Variants in NARF observed in about 807,000 individuals in gnomAD.
NARF encodes iron-only hydrogenase-like protein 2.
Under a neutral mutation model 48.0 loss-of-function variants are expected in NARF, and 41 were observed. The observed-to-expected ratio is 0.85, with a 90% CI of 0.66 to 1.11. The LOEUF is 1.11. Ranked by LOEUF, NARF falls within the 50% of genes least tolerant of loss-of-function variation. The pLI is 0.00. For missense variants in NARF, 613 were observed against 590.2 expected (o/e 1.04, Z -0.40); for synonymous variants, 215 against 225.5 (o/e 0.95, Z 0.42).
chr17:82,487,734 A>G (rs936861205), intron 10 of NARF, among the ~76,000 whole-genome samples, 182 bp from the exon 11 acceptor site: 1 of 152,162 alleles, frequency 6.6e-6, no homozygotes, highest in Non-Finnish European at 1.5e-5. Context: ...TGCCGCTTGA[A>G]GCCAGGAGTT....
At chr17:82,467,570 C>T (rs1290658949) in intron 3 of NARF, among the ~76,000 whole-genome samples, 1 of 152,098 alleles carries the variant, frequency 6.6e-6, no homozygotes. Flanking sequence ...TCACTGCAAC[C>T]TCCATTTCAC....
chr17:82,483,694 G>A (rs2044026703), intron 7 of NARF, 22 bp from the exon 8 acceptor site: 1 of 1,613,378 alleles, frequency 6.2e-7, no homozygotes. Flanking sequence ...TCTTTTCAGT[G>A]TCTTACTTCG....
chr17:82,472,193 G>A (rs1420075971), intron 4 of NARF, among the ~76,000 whole-genome samples: 2 of 151,842 alleles, frequency 1.3e-5, no homozygotes. Context: ...TAAGAATGAA[G>A]AAGTATTGGC....
At chr17:82,483,528 G>T in intron 7 of NARF, 188 bp from the exon 8 acceptor site, 1 of 571,340 alleles carries the variant, frequency 1.8e-6, no homozygotes, top group South Asian at 2.0e-5. Flanking sequence ...ATTGAATTCT[G>T]CTTACGTTTT....
upstream of NARF, chr17:82,458,387 G>A (rs987654177): frequency 5.9e-6 from 1 of 168,990 alleles, no homozygotes; most frequent in African/African-American, 2.4e-5. Flanking sequence ...AACGGCCCCA[G>A]CTTGGCCTCG....
Position 82,488,162 on chromosome 17 carries a change from A to G in NARF, c.*5A>G, listed in dbSNP as rs2044141445. On this transcript the variant is annotated 3_prime_UTR_variant, in exon 11 of 11. Transcript: ENST00000309794. The stretch of plus-strand genomic sequence containing the variant: ...AGCCTGGACATCAAGTGGTGAAGTC[A>G]GGCCAGGGCCTTCCAGCTGCTCTTG... The G allele has an allele frequency of 6.2e-7, 1 of 1,611,072 alleles. No homozygotes were observed.
chr17:82,468,716 T>C, intron 3 of NARF, 48 bp from the exon 4 acceptor site: 3 of 1,596,380 alleles, frequency 1.9e-6, no homozygotes, highest in Non-Finnish European at 2.6e-6. Context: ...TAACTTTTAC[T>C]CCTTGTGTAA....
At chr17:82,458,524 C>T (rs1395678141), upstream of NARF, 9 of 396,296 alleles carry the variant, frequency 2.3e-5, no homozygotes, top group East Asian at 3.4e-4. Context: ...TGGAGTGAGC[C>T]TGCGGTCCGC....
chr17:82,478,725 C>T, intron 5 of NARF, 75 bp from the exon 6 acceptor site: 1 of 1,440,288 alleles, frequency 6.9e-7, no homozygotes, highest in Non-Finnish European at 9.8e-7. Context: ...GACTCGAGCT[C>T]AGCATTCCCT....
intron 5 of NARF, among the ~76,000 whole-genome samples, chr17:82,473,295 A>AT (rs71168112): frequency 0.46 from 55,570 of 120,586 alleles, 12,332 homozygotes; most frequent in East Asian, 0.9. Flanking sequence ...ACATGTCTCT[A>AT]TTTTTTTTTT....
rs186594134 is a variant in NARF at position 82,473,080 on chromosome 17, A to G, written c.520+382A>G. 2.6e-5 allele frequency among the ~76,000 whole-genome samples: 4 copies of G among 150,954 alleles called. No homozygotes were observed. The East Asian group carries it at 7.9e-4, about 30-fold the overall frequency. ...CTTAGCCTGCCAAGTAGCTGGGACT[A>G]CAGGTGCACGCCACTGCACCCAACT... On this transcript the variant is annotated intron_variant, in intron 5 of 10. Coordinates refer to ENST00000309794, the MANE Select transcript of NARF (RefSeq NM_012336.4).
In NARF at chr17:82,488,988, C is replaced by G. The variant is rs1599861230; in HGVS notation, c.*831C>G. 1 of 152,646 alleles carries G rather than the reference C, an allele frequency of 6.6e-6. No individual in the cohort carries two copies. Among genetic ancestry groups the G allele is most frequent in the Non-Finnish European group, 1.5e-5 (1 of 68,282 alleles). 9.5% of individuals were successfully genotyped at this position (152,646 alleles called of 1,614,324 possible). ...CCATTTTGGCTCTTTCTTTTACCCA[C>G]TCATATTTTCCTTGAAAATGTTTTT... On this transcript the variant is annotated 3_prime_UTR_variant, in exon 11 of 11. Transcript: ENST00000309794.
chr17:82,477,200 TA>T (rs2043853081), intron 5 of NARF: 1 of 152,070 alleles, frequency 6.6e-6, no homozygotes, highest in Non-Finnish European at 1.5e-5. Context: ...TATATTTATT[TA>T]TTTTTTTTAA....
At chr17:82,462,744 G>A (rs2043469115) in intron 2 of NARF, 1 of 152,656 alleles carries the variant, frequency 6.6e-6, no homozygotes. Context: ...GGAATAAGAA[G>A]AAAGAATGTG....
In NARF at chr17:82,488,234, T is replaced by A; in HGVS notation, c.*77T>A. ...CAGTAGAGGGAGGGGCTGCCCTGAGTGGAGTATTAAAGACACTTAAGAAAA... is the reference window on the plus strand; with the variant it reads ...CAGTAGAGGGAGGGGCTGCCCTGAGAGGAGTATTAAAGACACTTAAGAAAA... On this transcript the variant is annotated 3_prime_UTR_variant, in exon 11 of 11. Transcript: ENST00000309794. 2 of 1,554,120 alleles carry A rather than the reference T, an allele frequency of 1.3e-6. No individual in the cohort carries two copies. Among genetic ancestry groups the A allele is most frequent in the Non-Finnish European group, 1.7e-6 (2 of 1,151,480 alleles).
At chr17:82,472,060 C>T (rs991898737) in intron 4 of NARF, among the ~76,000 whole-genome samples, 2 of 152,124 alleles carry the variant, frequency 1.3e-5, no homozygotes, top group South Asian at 2.1e-4. Flanking sequence ...GTAAAGCACA[C>T]GGTCTTGAAC....
chr17:82,458,828 A>G lies in NARF; in HGVS notation c.25A>G (p.Lys9Glu). 7.1e-7 allele frequency: 1 copy of G among 1,412,184 alleles called. No individual in the cohort carries two copies. Among genetic ancestry groups the G allele is most frequent in the South Asian group, 1.6e-5 (1 of 63,254 alleles). The allele number at this position is 1,412,184 out of a possible 1,614,324, so 87.5% of individuals were successfully genotyped here. Residue 9 changes from lysine to glutamate, a missense_variant and splice_region_variant, in exon 1 of 11, where the codon AAG (lysine) becomes GAG (glutamate). Physicochemically the swap from Lys to Glu is moderately conservative, Grantham distance 56 (BLOSUM62 1). Coordinates refer to ENST00000309794, the MANE Select transcript of NARF (RefSeq NM_012336.4). Reference sequence around the variant, plus strand: ...GATGAAGTGTGAGCACTGCACGCGCAAGGTGAGCGCCGCGGGCCGGGGAGG... The same window carrying G: ...GATGAAGTGTGAGCACTGCACGCGCGAGGTGAGCGCCGCGGGCCGGGGAGG... MKCEHCTRKECSKKTKTDD... is the reference protein window; with the variant it reads MKCEHCTREECSKKTKTDD...
At chr17:82,483,942 C>A in intron 8 of NARF, 163 bp downstream of exon 8, 1 of 613,854 alleles carries the variant, frequency 1.6e-6, no homozygotes, top group Non-Finnish European at 2.8e-6. Context: ...CACCCTATAG[C>A]TGTTGAATGG....
Position 82,475,722 on chromosome 17 carries a change from A to G in NARF, c.520+3024A>G, listed in dbSNP as rs1340157855. 2.2e-5 allele frequency among the ~76,000 whole-genome samples: 3 copies of G among 136,968 alleles called. No homozygotes were observed. The East Asian group carries it at 6.5e-4, about 30-fold the overall frequency. The allele number at this position is 136,968 out of a possible 152,430, so 89.9% of individuals were successfully genotyped here. ...ACATTTCTCAGAAATGCCGTCACTG[A>G]GAAGAGACCTCTCAGGGCCCCTACC... On this transcript the variant is annotated intron_variant, in intron 5 of 10. Coordinates refer to ENST00000309794, the MANE Select transcript of NARF (RefSeq NM_012336.4).
Sources: allele counts gnomAD v4.1 joint callset (sites outside exome capture counted in the v4.1 genomes callset), GRCh38; gene constraint gnomAD v4.1.1; transcripts MANE v1.5; gene names NCBI Gene and HGNC (gene_info 2026-07-23, HGNC 2026-07-21).